The following SYTL2 variants were observed in gnomAD, a reference collection of about 807,000 sequenced individuals.
The protein encoded by SYTL2 is synaptotagmin like 2, also known as synaptotagmin-like protein 2.
Under a neutral mutation model 198.7 loss-of-function variants are expected in SYTL2, and 165 were observed. The observed-to-expected ratio is 0.83, with a 90% CI of 0.73 to 0.94. SYTL2 has a LOEUF of 0.94. Ranked by LOEUF, SYTL2 falls within the 40% of genes least tolerant of loss-of-function variation. SYTL2 has a pLI of 0.00. For missense variants in SYTL2, 2,835 were observed against 2,582.8 expected, an observed-to-expected ratio of 1.10 and a Z score of -2.12; for synonymous variants, 966 against 917.7, an observed-to-expected ratio of 1.05 and a Z score of -0.95.
chr11:85,847,625 C>T, the SYTL2 span, among the ~76,000 whole-genome samples: 1 of 152,154 alleles, frequency 6.6e-6, no homozygotes, highest in East Asian at 1.9e-4. Context: ...ACATCCTTGC[C>T]AACACATGGT....
the SYTL2 span, among the ~76,000 whole-genome samples, chr11:85,843,227 G>T: frequency 6.6e-6 from 1 of 152,014 alleles, no homozygotes; most frequent in Admixed American, 6.5e-5. Flanking sequence ...CACAAATTGG[G>T]TGTGCTGACA....
intron 2 of SYTL2, among the ~76,000 whole-genome samples, chr11:85,755,608 C>G (rs1421332898): frequency 1.3e-5 from 2 of 152,208 alleles, no homozygotes; most frequent in African/African-American, 4.8e-5. Flanking sequence ...TACACACTCA[C>G]ACCCCTTATA....
At chr11:85,818,096 T>C in the SYTL2 span, among the ~76,000 whole-genome samples, 1 of 151,852 alleles carries the variant, frequency 6.6e-6, no homozygotes, top group Non-Finnish European at 1.5e-5. Flanking sequence ...AGAGACAGGG[T>C]TTCACCATGT....
the SYTL2 span, among the ~76,000 whole-genome samples, chr11:85,833,098 AGAAGGAAG>A: frequency 0.026 from 853 of 32,448 alleles, 68 homozygotes; most frequent in East Asian, 0.046. Flanking sequence ...AAAGAAAGAA[AGAAGGAAG>A]GAAGGAAGGA....
chr11:85,800,687 A>G (rs1429773806), intron 1 of SYTL2, among the ~76,000 whole-genome samples: 1 of 152,132 alleles, frequency 6.6e-6, no homozygotes, highest in Non-Finnish European at 1.5e-5. Flanking sequence ...AGTATGCCAG[A>G]GAAGGAAAAA....
chr11:85,801,486 T>C (rs1436224128), intron 1 of SYTL2, among the ~76,000 whole-genome samples: 3 of 152,210 alleles, frequency 2.0e-5, no homozygotes, highest in East Asian at 1.9e-4. Context: ...TATAGAAGTC[T>C]TGAATAGCAG....
chr11:85,714,311 C>A, intron 12 of SYTL2, 102 bp downstream of exon 12: 2 of 926,712 alleles, frequency 2.2e-6, no homozygotes, highest in Non-Finnish European at 3.4e-6. Context: ...TCCTTCTGAC[C>A]TCTTTGATCT....
rs2088966931 is a variant in SYTL2 at position 85,725,230 on chromosome 11, C to T, written c.4128G>A (p.Lys1376=). The T allele has an allele frequency of 6.2e-7, 1 of 1,614,186 alleles. No individual in the cohort carries two copies. Among genetic ancestry groups the T allele is most frequent in the Non-Finnish European group, 8.5e-7 (1 of 1,180,014 alleles). ...VLNDVSAALQ[K]LCGEVWLSYP... ...AACTTAACCATACTTCTCCACACAG[C>T]TTCTGTAATGCAGCACTTACATCAT... Residue 1376 remains lysine (K), a synonymous_variant, in exon 8 of 20, where the codon AAG becomes AAA. Coordinates refer to ENST00000359152, the MANE Select transcript of SYTL2 (RefSeq NM_206927.4).
chr11:85,851,592 A>G, the SYTL2 span, among the ~76,000 whole-genome samples: 2 of 152,246 alleles, frequency 1.3e-5, no homozygotes, highest in Non-Finnish European at 2.9e-5. Context: ...AAATGAGGAA[A>G]CTCAGCAAAT....
At chr11:85,731,745 A>T (rs2089852072) in intron 7 of SYTL2, among the ~76,000 whole-genome samples, 1 of 152,234 alleles carries the variant, frequency 6.6e-6, no homozygotes, top group African/African-American at 2.4e-5. Flanking sequence ...GATCTAATTA[A>T]ACTAAAGAGC....
At chr11:85,805,604 G>A (rs2092948540) in intron 1 of SYTL2, among the ~76,000 whole-genome samples, 1 of 152,180 alleles carries the variant, frequency 6.6e-6, no homozygotes, top group African/African-American at 2.4e-5. Flanking sequence ...GAGAGTCCAG[G>A]CTCCTGTGGC....
chr11:85,732,813 A>G (rs917483666), intron 7 of SYTL2, among the ~76,000 whole-genome samples: 1 of 152,288 alleles, frequency 6.6e-6, no homozygotes, highest in Non-Finnish European at 1.5e-5. Context: ...CTATAAAGAA[A>G]CTATCATAGG....
At chr11:85,841,176 G>C in the SYTL2 span, among the ~76,000 whole-genome samples, 2 of 152,148 alleles carry the variant, frequency 1.3e-5, no homozygotes, top group South Asian at 4.1e-4. Context: ...AAAAATAGAT[G>C]CTAGTGAGGT....
At chr11:85,789,380 A>ATATATATATATATATG (rs2092696635) in intron 1 of SYTL2, among the ~76,000 whole-genome samples, 1 of 72,270 alleles carries the variant, frequency 1.4e-5, no homozygotes, top group Non-Finnish European at 2.8e-5. Context: ...ATATATATGT[A>ATATATATATATATATG]TATATATATA....
chr11:85,848,200 G>A, the SYTL2 span, among the ~76,000 whole-genome samples: 1 of 151,464 alleles, frequency 6.6e-6, no homozygotes, highest in Admixed American at 6.6e-5. Context: ...TTTCCATACT[G>A]CTGCATTCCA....
At chr11:85,752,186 T>A (rs1205465074) in intron 2 of SYTL2, among the ~76,000 whole-genome samples, 1 of 152,204 alleles carries the variant, frequency 6.6e-6, no homozygotes, top group Non-Finnish European at 1.5e-5. Flanking sequence ...GCTGGCCAGA[T>A]AGGTTGACTG....
In SYTL2 at chr11:85,696,393, A is replaced by C. The variant is rs779629437; in HGVS notation, c.6369-5T>G. 1 of 1,611,802 alleles carries C rather than the reference A, an allele frequency of 6.2e-7. No homozygotes were observed. ...CTTGTATCTGGAAGGATGGTACTAC[A>C]AAAAGAGGCATGATTGTGGGAGCAT... On this transcript the variant is annotated splice_polypyrimidine_tract_variant and splice_region_variant and intron_variant, in intron 18 of 19. Transcript: ENST00000359152.
chr11:85,839,620 T>C, the SYTL2 span, among the ~76,000 whole-genome samples: 1 of 152,242 alleles, frequency 6.6e-6, no homozygotes, highest in Non-Finnish European at 1.5e-5. Flanking sequence ...TGACTGAATC[T>C]CATTCGTGAT....
chr11:85,739,045 T>C (rs924687014), intron 4 of SYTL2, among the ~76,000 whole-genome samples: 1 of 152,204 alleles, frequency 6.6e-6, no homozygotes, highest in Non-Finnish European at 1.5e-5. Flanking sequence ...GCTATGTATT[T>C]CATGTCTACT....
Sources: gnomAD v4.1 joint callset for allele counts (sites outside exome capture counted in the v4.1 genomes callset) on GRCh38, gnomAD v4.1.1 for gene constraint, MANE v1.5 for transcripts, NCBI Gene and HGNC (gene_info 2026-07-23, HGNC 2026-07-21) for gene names.